NETO1: variants seen among roughly 807,000 people sequenced by gnomAD.
The protein encoded by NETO1 is neuropilin and tolloid like 1.
A neutral mutation model predicts 61.3 loss-of-function variants in NETO1; 26 were observed. The observed-to-expected ratio is 0.42, with a 90% confidence interval of 0.31 to 0.59. The LOEUF (loss-of-function observed/expected upper bound fraction) is 0.59. Ranked by LOEUF, NETO1 falls within the 20% of genes least tolerant of loss-of-function variation. The pLI, the probability that NETO1 is intolerant of heterozygous loss-of-function variation, is 0.12. For missense variants in NETO1, 531 were observed against 662.8 expected, an observed-to-expected ratio of 0.80 and a Z score of 2.18; for synonymous variants, 225 against 225.8, an observed-to-expected ratio of 1.00 and a Z score of 0.03.
intron 7 of NETO1, among the ~76,000 whole-genome samples, chr18:72,762,335 A>G (rs1481130076): frequency 6.6e-6 from 1 of 152,136 alleles, no homozygotes; most frequent in Non-Finnish European, 1.5e-5. Flanking sequence ...TAAACTGAGA[A>G]TACACTTTTT....
intron 4 of NETO1, among the ~76,000 whole-genome samples, chr18:72,819,971 T>C (rs2073141420): frequency 6.6e-6 from 1 of 152,162 alleles, no homozygotes; most frequent in East Asian, 1.9e-4. Context: ...ATTTTGTTGG[T>C]GAGAGATGCA....
rs771962423 is a variant in NETO1, at chr18:72,830,765, A to G, written c.469+28061T>C. Among the ~76,000 whole-genome samples the G allele has an allele frequency of 1.4e-4, 22 of 152,296 alleles. No individual in the cohort carries two copies. Among genetic ancestry groups the G allele is most frequent in the Middle Eastern group, 3.4e-3 (1 of 294 alleles). On this transcript the variant is annotated intron_variant, in intron 4 of 10. Transcript: ENST00000327305. The surrounding 1 kb of genome is among the most constrained non-coding windows in gnomAD (Gnocchi z 4.9). Reference sequence around the variant, plus strand: ...GACTGCATTTTCCCTCAAATTCACCATCTCCTCTTTCTTAATCCTTCCATC... The same window carrying G: ...GACTGCATTTTCCCTCAAATTCACCGTCTCCTCTTTCTTAATCCTTCCATC...
At chr18:72,755,115 A>T (rs1681993347) in intron 8 of NETO1, among the ~76,000 whole-genome samples, 1 of 152,202 alleles carries the variant, frequency 6.6e-6, no homozygotes, top group South Asian at 2.1e-4. Context: ...CACACATGGG[A>T]CCACGTTTAT....
chr18:72,865,681 C>G (rs1232161348), intron 1 of NETO1: 13 of 1,560,612 alleles, frequency 8.3e-6, no homozygotes, highest in Middle Eastern at 1.7e-4. Context: ...CTGTTCCTGA[C>G]ATACTGCAGT....
chr18:72,794,269 C>G (rs2072237170), intron 5 of NETO1, 25 bp from the exon 6 acceptor site: 18 of 1,613,900 alleles, frequency 1.1e-5, no homozygotes, highest in Non-Finnish European at 1.5e-5. Context: ...GCCAAACAAA[C>G]ACACAAAAAC....
At chr18:72,814,473 GAAAA>G (rs201781069) in intron 4 of NETO1, among the ~76,000 whole-genome samples, 1 of 151,046 alleles carries the variant, frequency 6.6e-6, no homozygotes, top group Non-Finnish European at 1.5e-5. Flanking sequence ...AACTAAAAAA[GAAAA>G]AAAAGAAATA....
intron 8 of NETO1, among the ~76,000 whole-genome samples, chr18:72,753,647 A>G (rs1298558216): frequency 6.6e-6 from 1 of 152,242 alleles, no homozygotes; most frequent in Non-Finnish European, 1.5e-5. Flanking sequence ...GGTCTGTAAC[A>G]GTGAATATGT....
rs1011192401 is a variant in NETO1, at chr18:72,812,115, G to T, written c.470-17711C>A. On this transcript the variant is annotated intron_variant, in intron 4 of 10. Transcript: ENST00000327305. The stretch of plus-strand genomic sequence containing the variant: ...AACTTCCCTACATTCACTGTATGGT[G>T]TTTAAGTGGTGAAATCACTGCATTA... 1.8e-4 allele frequency among the ~76,000 whole-genome samples: 27 copies of T among 152,346 alleles called. No homozygotes were observed. The East Asian group carries it at 5.0e-3, about 28-fold the overall frequency.
At chr18:72,839,387 A>C (rs2145461066) in intron 4 of NETO1, among the ~76,000 whole-genome samples, 1 of 152,354 alleles carries the variant, frequency 6.6e-6, no homozygotes, top group South Asian at 2.1e-4. Flanking sequence ...GTTTTGAAAA[A>C]TCAAGGGATA....
At chr18:72,828,439 T>C (rs1377093464) in intron 4 of NETO1, among the ~76,000 whole-genome samples, 1 of 152,124 alleles carries the variant, frequency 6.6e-6, no homozygotes, top group African/African-American at 2.4e-5. Flanking sequence ...CTACTGTAGA[T>C]ATACATGCAC....
At chr18:72,781,461 T>A (rs1007722083) in intron 7 of NETO1, among the ~76,000 whole-genome samples, 1 of 152,164 alleles carries the variant, frequency 6.6e-6, no homozygotes, top group African/African-American at 2.4e-5. Flanking sequence ...GAGATAAAAA[T>A]GCACTACCTC....
At chr18:72,848,415 G>A (rs1050344813) in intron 4 of NETO1, among the ~76,000 whole-genome samples, 3 of 152,114 alleles carry the variant, frequency 2.0e-5, no homozygotes, top group African/African-American at 7.2e-5. Flanking sequence ...AGGTATGAGT[G>A]AGGGTCTGGG....
Position 72,787,755 on chromosome 18 carries a change from G to A in NETO1, c.640-3849C>T, listed in dbSNP as rs143817650. Among the ~76,000 whole-genome samples the A allele has an allele frequency of 2.9e-3, 448 of 152,260 alleles. 1 individual carries two copies. Among genetic ancestry groups the A allele is most frequent in the Middle Eastern group, 0.01 (3 of 294 alleles). ...GTCACTGAAGTAACGGACTGGTACC[G>A]AAGTCAGATGTGCCTAACACCCGGA... On this transcript the variant is annotated intron_variant, in intron 6 of 10. Transcript: ENST00000327305.
At chr18:72,850,536 AT>A (rs1456220731) in intron 4 of NETO1, among the ~76,000 whole-genome samples, 1 of 152,232 alleles carries the variant, frequency 6.6e-6, no homozygotes, top group African/African-American at 2.4e-5. Flanking sequence ...AGGAGAATAA[AT>A]AGACTCGTCA....
intron 4 of NETO1, among the ~76,000 whole-genome samples, chr18:72,833,093 A>G (rs1006017384): frequency 6.6e-6 from 1 of 152,218 alleles, no homozygotes; most frequent in African/African-American, 2.4e-5. Context: ...ACTTTTGTGA[A>G]TTCAACTTAA....
In NETO1 at chr18:72,835,447, G is replaced by A. The variant is rs1301368310; in HGVS notation, c.469+23379C>T. On this transcript the variant is annotated intron_variant, in intron 4 of 10. Transcript: ENST00000327305. ...GAGCAAATCCAAAGTAGGAATACAA[G>A]TTAAAACTCCTGTTTATTCTATTCT... 5.3e-6 allele frequency: 3 copies of A among 566,128 alleles called. No individual in the cohort carries two copies. In the Admixed American group the frequency reaches 7.9e-5, roughly 15 times the overall value. 35.1% of individuals were successfully genotyped at this position (566,128 alleles called of 1,614,324 possible).
downstream of NETO1, among the ~76,000 whole-genome samples, chr18:72,743,546 A>G (rs1026564229): frequency 3.9e-5 from 6 of 152,118 alleles, no homozygotes; most frequent in Non-Finnish European, 7.4e-5. Context: ...CACAGCACAT[A>G]ATGTTGGGCT....
intron 7 of NETO1, among the ~76,000 whole-genome samples, chr18:72,770,943 A>G (rs954880622): frequency 1.1e-4 from 17 of 152,158 alleles, no homozygotes; most frequent in African/African-American, 4.1e-4. Context: ...TCCATAACTA[A>G]CAAAGTTATT....
intron 4 of NETO1, among the ~76,000 whole-genome samples, chr18:72,841,170 T>A (rs2073918270): frequency 6.6e-6 from 1 of 152,166 alleles, no homozygotes; most frequent in South Asian, 2.1e-4. Context: ...GAAATGTGTT[T>A]TTTGGTATTT....
Sources: allele counts gnomAD v4.1 joint callset (sites outside exome capture counted in the v4.1 genomes callset), GRCh38; gene constraint gnomAD v4.1.1; non-coding constraint Gnocchi (gnomAD v3.1); transcripts MANE v1.5; gene names NCBI Gene and HGNC (gene_info 2026-07-23, HGNC 2026-07-21).